The following AKR1A1 variants were observed in gnomAD, a reference collection of about 807,000 sequenced individuals.
AKR1A1 encodes aldo-keto reductase family 1 member A1, also known as HEL-S-165mP.
Under a neutral mutation model 39.2 loss-of-function variants are expected in AKR1A1, and 26 were observed. That is an observed-to-expected ratio of 0.66 (90% CI 0.49 to 0.92). AKR1A1 has a LOEUF of 0.92. Among genes scored for constraint, AKR1A1 ranks in the 40% least tolerant of loss-of-function variants. AKR1A1 has a pLI of 0.00. For missense variants in AKR1A1, 378 were observed against 406.5 expected (o/e 0.93, Z 0.60); for synonymous variants, 141 against 155.5 (o/e 0.91, Z 0.69).
chr1:45,556,099 A>G (rs956686061), intron 1 of AKR1A1, among the ~76,000 whole-genome samples: 5 of 152,126 alleles, frequency 3.3e-5, no homozygotes, highest in African/African-American at 1.2e-4. Context: ...TCATGTAGAT[A>G]TTGTTTCCTT....
At chr1:45,558,219 ACTTGT>A (rs1039592966) in intron 1 of AKR1A1, among the ~76,000 whole-genome samples, 1 of 148,610 alleles carries the variant, frequency 6.7e-6, no homozygotes, top group African/African-American at 2.5e-5. Flanking sequence ...CCCAGCCTCA[ACTTGT>A]CTTATTATTA....
At chr1:45,552,856 G>T (rs1644148641) in intron 1 of AKR1A1, among the ~76,000 whole-genome samples, 1 of 152,160 alleles carries the variant, frequency 6.6e-6, no homozygotes, top group Non-Finnish European at 1.5e-5. Flanking sequence ...TGGGCACAGT[G>T]GCTCATGCCT....
chr1:45,568,158 T>C lies in AKR1A1; in HGVS notation c.533T>C (p.Val178Ala), dbSNP rs779103368. The change falls in exon 5 of 9, where the codon GTG becomes GCG. Residue 178 changes from valine to alanine, a missense_variant. Transcript: ENST00000351829. ...QIDDILSVAS[V>A]RPAVLQVECH... Reference sequence around the variant, plus strand: ...GATGACATACTCAGTGTGGCCTCCGTGCGTCCAGCTGTCTTGCAGGTAAGG... The same window carrying C: ...GATGACATACTCAGTGTGGCCTCCGCGCGTCCAGCTGTCTTGCAGGTAAGG... The C allele has an allele frequency of 6.2e-7, 1 of 1,613,272 alleles. No homozygotes were observed.
intron 4 of AKR1A1, 162 bp downstream of exon 4, chr1:45,567,182 T>C (rs1644355079): frequency 1.1e-6 from 1 of 920,970 alleles, no homozygotes; most frequent in African/African-American, 1.7e-5. Context: ...TACAGCAGCT[T>C]AGCTGTAGCT....
intron 1 of AKR1A1, among the ~76,000 whole-genome samples, chr1:45,551,978 A>C (rs371666182): frequency 7.6e-6 from 1 of 131,334 alleles, no homozygotes; most frequent in East Asian, 2.2e-4. Flanking sequence ...TATTGTGTAC[A>C]TTGTATGTAT....
At chr1:45,551,252 G>T (rs1644127041) in intron 1 of AKR1A1, 97 bp downstream of exon 1, 1 of 152,228 alleles carries the variant, frequency 6.6e-6, no homozygotes, top group Non-Finnish European at 1.5e-5. Context: ...AGTGGAGAGC[G>T]CAGAGCACTG....
intron 4 of AKR1A1, chr1:45,567,712 A>C (rs1171650159): frequency 3.8e-6 from 1 of 264,608 alleles, no homozygotes; most frequent in South Asian, 7.0e-5. Context: ...CTGTAGTCCC[A>C]GCTACTGGGG....
intron 1 of AKR1A1, among the ~76,000 whole-genome samples, chr1:45,556,020 A>T (rs941721972): frequency 6.6e-6 from 1 of 152,108 alleles, no homozygotes; most frequent in South Asian, 2.1e-4. Context: ...CCCTGAAGGG[A>T]CCTTTCCTTT....
At chr1:45,560,925 C>T (rs1252402951) in intron 1 of AKR1A1, among the ~76,000 whole-genome samples, 1 of 152,114 alleles carries the variant, frequency 6.6e-6, no homozygotes, top group Non-Finnish European at 1.5e-5. Context: ...GATGGTCTTT[C>T]ACTGAGTTAG....
intron 2 of AKR1A1, among the ~76,000 whole-genome samples, chr1:45,564,733 C>T (rs763651819): frequency 4.0e-5 from 6 of 151,330 alleles, no homozygotes; most frequent in Non-Finnish European, 8.8e-5. Context: ...ATGGTCTATA[C>T]TTCTTTTCTC....
intron 1 of AKR1A1, 79 bp from the exon 2 acceptor site, chr1:45,561,710 A>T (rs921734723): frequency 1.4e-6 from 2 of 1,424,878 alleles, no homozygotes; most frequent in South Asian, 1.2e-5. Context: ...GGCGCTTTGC[A>T]GTATTCTTGA....
intron 1 of AKR1A1, among the ~76,000 whole-genome samples, chr1:45,560,281 C>T (rs775751767): frequency 5.9e-5 from 9 of 152,108 alleles, no homozygotes; most frequent in Non-Finnish European, 8.8e-5. Context: ...GCACAGCGCC[C>T]GGTCTAACTT....
intron 1 of AKR1A1, among the ~76,000 whole-genome samples, chr1:45,554,777 GC>G (rs1370524365): frequency 2.0e-5 from 3 of 152,058 alleles, no homozygotes; most frequent in African/African-American, 4.8e-5. Flanking sequence ...TGCAACCTCT[GC>G]CCCCCAGGCT....
At chr1:45,569,092 C>T (rs760593680) in intron 7 of AKR1A1, 51 bp from the exon 8 acceptor site, 1 of 1,604,228 alleles carries the variant, frequency 6.2e-7, no homozygotes, top group South Asian at 1.1e-5. Flanking sequence ...TGTGGAACCC[C>T]AGCTTCTGCT....
chr1:45,558,755 C>A (rs1258180331), intron 1 of AKR1A1, among the ~76,000 whole-genome samples: 1 of 152,124 alleles, frequency 6.6e-6, no homozygotes, highest in Admixed American at 6.6e-5. Flanking sequence ...GCTGGTAATA[C>A]CCTGACCTCA....
intron 2 of AKR1A1, among the ~76,000 whole-genome samples, chr1:45,563,450 C>T (rs1332742902): frequency 2.6e-5 from 4 of 151,870 alleles, no homozygotes; most frequent in Non-Finnish European, 5.9e-5. Flanking sequence ...TTCTATTGGA[C>T]AAGTTACAGA....
chr1:45,557,944 C>G (rs1011585885), intron 1 of AKR1A1, among the ~76,000 whole-genome samples: 2 of 98,824 alleles, frequency 2.0e-5, no homozygotes, highest in Non-Finnish European at 3.8e-5. Flanking sequence ...GAGCCTCACT[C>G]TGTATCCCAG....
intron 1 of AKR1A1, chr1:45,552,349 TA>T (rs1043700935): frequency 2.6e-3 from 350 of 136,914 alleles, no homozygotes; most frequent in African/African-American, 2.7e-3. Flanking sequence ...ATCTTTAAAA[TA>T]AAAAAAAAAA....
At chr1:45,566,722 A>G in intron 3 of AKR1A1, 34 bp downstream of exon 3, 1 of 1,611,244 alleles carries the variant, frequency 6.2e-7, no homozygotes, top group African/African-American at 1.3e-5. Context: ...AGGTGGGATA[A>G]GAGAACTTAG....
Sources: allele counts gnomAD v4.1 joint callset (sites outside exome capture counted in the v4.1 genomes callset), GRCh38; gene constraint gnomAD v4.1.1; transcripts MANE v1.5; gene names NCBI Gene and HGNC (gene_info 2026-07-23, HGNC 2026-07-21).